Variants in CALN1 observed in about 807,000 individuals in gnomAD.
CALN1 encodes calcium-binding protein 8.
A neutral mutation model predicts 30.6 loss-of-function variants in CALN1; 17 were observed. That is an observed-to-expected ratio of 0.56 (90% CI 0.38 to 0.83). The LOEUF (loss-of-function observed/expected upper bound fraction) is 0.83, where lower values mean the gene tolerates loss of function less well. Ranked by LOEUF, CALN1 falls within the 40% of genes least tolerant of loss-of-function variation. CALN1 has a pLI of 0.00. For missense variants in CALN1, 291 were observed against 354.9 expected, an observed-to-expected ratio of 0.82 and a Z score of 1.45; for synonymous variants, 156 against 131.4, an observed-to-expected ratio of 1.19 and a Z score of -1.28.
intron 4 of CALN1, among the ~76,000 whole-genome samples, chr7:72,031,326 T>G (rs559238697): frequency 7.0e-4 from 106 of 152,292 alleles, no homozygotes; most frequent in African/African-American, 2.5e-3. Context: ...CCATTCTTCA[T>G]CATTTCAGAG....
intron 3 of CALN1, among the ~76,000 whole-genome samples, chr7:72,239,309 G>C (rs913795103): frequency 6.6e-6 from 1 of 151,986 alleles, no homozygotes; most frequent in Non-Finnish European, 1.5e-5. Flanking sequence ...GAAGCAGGAG[G>C]ATCACTTGAG....
At chr7:72,019,887 C>A (rs576019834) in intron 5 of CALN1, among the ~76,000 whole-genome samples, 2 of 152,268 alleles carry the variant, frequency 1.3e-5, no homozygotes, top group South Asian at 2.1e-4. Flanking sequence ...AATATATACC[C>A]TTCTAGAAGT....
At chr7:72,320,159 G>A (rs1800773235) in intron 2 of CALN1, among the ~76,000 whole-genome samples, 1 of 151,996 alleles carries the variant, frequency 6.6e-6, no homozygotes, top group South Asian at 2.1e-4. Context: ...GCAGACTGTG[G>A]TCCTCTAAAA....
chr7:72,132,637 G>A (rs191776995), intron 3 of CALN1, among the ~76,000 whole-genome samples: 2 of 152,232 alleles, frequency 1.3e-5, no homozygotes, highest in Admixed American at 6.5e-5. Context: ...TCTACCAGGT[G>A]GGGGCCCAGA....
chr7:72,373,918 ATTTC>A (rs1479281288), intron 2 of CALN1, among the ~76,000 whole-genome samples: 2 of 152,224 alleles, frequency 1.3e-5, no homozygotes, highest in Non-Finnish European at 2.9e-5. Context: ...AGAACTGTGG[ATTTC>A]TCACGTGGAA....
At chr7:72,323,907 T>C (rs1801080627) in intron 2 of CALN1, among the ~76,000 whole-genome samples, 1 of 151,748 alleles carries the variant, frequency 6.6e-6, no homozygotes, top group Admixed American at 6.6e-5. Flanking sequence ...AGCCGGGTGC[T>C]GTGGCACACG....
At position 72,120,773 on chromosome 7, in the gene CALN1, G is replaced by A. The variant is rs575849371; in HGVS notation, c.245-14479C>T. 1.8e-4 allele frequency among the ~76,000 whole-genome samples: 28 copies of A among 152,202 alleles called. No homozygotes were observed. In the South Asian group the frequency reaches 5.4e-3, roughly 29 times the overall value. ...AAGATCCAGAGGATTACAAGGCTACGCTTCAAGGAAAAGGAGGCAATTCAG... is the reference window on the plus strand; with the variant it reads ...AAGATCCAGAGGATTACAAGGCTACACTTCAAGGAAAAGGAGGCAATTCAG... On this transcript the variant is annotated intron_variant, in intron 3 of 6. Transcript: ENST00000395275.
At chr7:72,187,807 G>A (rs1217715074) in intron 3 of CALN1, among the ~76,000 whole-genome samples, 1 of 152,154 alleles carries the variant, frequency 6.6e-6, no homozygotes, top group Non-Finnish European at 1.5e-5. Context: ...CTCTCTCAGT[G>A]AATGCCTTAT....
rs542041382 is a variant in CALN1 at position 72,175,991 on chromosome 7, A to T, written c.245-69697T>A. Among the ~76,000 whole-genome samples the T allele has an allele frequency of 4.6e-5, 7 of 152,274 alleles. No individual in the cohort carries two copies. In the South Asian group the frequency reaches 1.5e-3, roughly 32 times the overall value. On this transcript the variant is annotated intron_variant, in intron 3 of 6. Coordinates refer to ENST00000395275, the MANE Select transcript of CALN1 (RefSeq NM_031468.4). Reference sequence around the variant, plus strand: ...ATGCAAACTCAGAGGGTATGCCTGCAACTGCAAAAAAAATGTATGGGAACA... The same window carrying T: ...ATGCAAACTCAGAGGGTATGCCTGCTACTGCAAAAAAAATGTATGGGAACA...
At chr7:72,246,982 G>A (rs1795209744) in intron 3 of CALN1, among the ~76,000 whole-genome samples, 1 of 151,844 alleles carries the variant, frequency 6.6e-6, no homozygotes, top group Admixed American at 6.6e-5. Flanking sequence ...TCGAACTCCC[G>A]ACCTCAGGTG....
chr7:71,983,961 AAC>A (rs1364304948), intron 5 of CALN1, among the ~76,000 whole-genome samples: 3 of 152,234 alleles, frequency 2.0e-5, no homozygotes, highest in African/African-American at 4.8e-5. Flanking sequence ...GATCGAAAAA[AAC>A]AGAGGAGATG....
chr7:72,414,848 C>T (rs1585703595), upstream of CALN1, among the ~76,000 whole-genome samples: 1 of 152,202 alleles, frequency 6.6e-6, no homozygotes, highest in Non-Finnish European at 1.5e-5. Context: ...TCCACATATG[C>T]TATGGAGTGA....
intron 5 of CALN1, among the ~76,000 whole-genome samples, chr7:71,880,430 AG>A: frequency 6.6e-6 from 1 of 152,230 alleles, no homozygotes; most frequent in Middle Eastern, 3.4e-3. Flanking sequence ...TTGAAATCCA[AG>A]AATTGCCCAA....
intron 3 of CALN1, among the ~76,000 whole-genome samples, chr7:72,165,367 C>T (rs748253154): frequency 1.4e-4 from 22 of 152,086 alleles, no homozygotes; most frequent in African/African-American, 2.4e-5. Flanking sequence ...TGAGACCAGC[C>T]TGGCCAACAG....
intron 3 of CALN1, among the ~76,000 whole-genome samples, chr7:72,236,247 T>C (rs1794469202): frequency 6.6e-6 from 1 of 152,134 alleles, no homozygotes; most frequent in African/African-American, 2.4e-5. Context: ...TAAAGGCTCA[T>C]TAAGGTTGGG....
At chr7:71,869,850 C>T (rs907783009) in intron 5 of CALN1, among the ~76,000 whole-genome samples, 1 of 152,038 alleles carries the variant, frequency 6.6e-6, no homozygotes, top group Non-Finnish European at 1.5e-5. Flanking sequence ...TGCGAGTTGC[C>T]GCAGGATCGT....
Position 72,217,452 on chromosome 7 carries a change from G to A in CALN1, c.244+61234C>T, listed in dbSNP as rs1418572309. ...CCAATAAAGCGCTCTCCCTGGCCCT[G>A]ACATCACCGCTTCTATAGCAACCAG... On this transcript the variant is annotated intron_variant, in intron 3 of 6. Transcript: ENST00000395275. Among the ~76,000 whole-genome samples, 5 of 152,162 alleles carry A rather than the reference G, an allele frequency of 3.3e-5. No homozygotes were observed. The South Asian group carries it at 1.0e-3, about 31-fold the overall frequency.
At chr7:72,383,751 T>A (rs1585626905) in intron 2 of CALN1, among the ~76,000 whole-genome samples, 2 of 152,182 alleles carry the variant, frequency 1.3e-5, no homozygotes, top group Non-Finnish European at 2.9e-5. Flanking sequence ...GTAAAGAGAA[T>A]AAGCAATGAT....
At chr7:72,376,271 G>A (rs990922041) in intron 2 of CALN1, among the ~76,000 whole-genome samples, 1 of 152,174 alleles carries the variant, frequency 6.6e-6, no homozygotes, top group Admixed American at 6.6e-5. Flanking sequence ...GAGTGGAACT[G>A]CTGGATCCTA....
Sources: gnomAD v4.1 joint callset for allele counts (sites outside exome capture counted in the v4.1 genomes callset) on GRCh38, gnomAD v4.1.1 for gene constraint, MANE v1.5 for transcripts, NCBI Gene and HGNC (gene_info 2026-07-23, HGNC 2026-07-21) for gene names.